Variants in KCNAB2 observed in about 807,000 individuals in gnomAD.
KCNAB2 encodes voltage-gated potassium channel subunit beta-2.
A neutral mutation model predicts 63.6 loss-of-function variants in KCNAB2; 29 were observed. The ratio of observed to expected loss-of-function variants is 0.46; its 90% confidence interval spans 0.34 to 0.62. The LOEUF is 0.62. Among genes scored for constraint, KCNAB2 ranks in the 20% least tolerant of loss-of-function variants. The probability of loss-of-function intolerance (pLI) is 0.01; values close to 1 mark genes in which losing one functional copy is unlikely to be tolerated. For synonymous variants in KCNAB2, 222 were observed against 224.2 expected (o/e 0.99, Z 0.09); for missense variants, 359 against 563.9 (o/e 0.64, Z 3.68).
chr1:6,000,007 T>G (rs1049681669), intron 1 of KCNAB2, among the ~76,000 whole-genome samples: 2 of 150,748 alleles, frequency 1.3e-5, no homozygotes, highest in Non-Finnish European at 3.0e-5. Context: ...GTCTGCACCC[T>G]CTCTGCACCC....
intron 3 of KCNAB2, 152 bp downstream of exon 3, chr1:6,072,950 G>T: frequency 1.6e-6 from 1 of 615,116 alleles, no homozygotes; most frequent in Non-Finnish European, 2.8e-6. Flanking sequence ...ATTCAGGGGG[G>T]CTCGGTTGCC....
At chr1:6,055,446 C>T (rs1308473121) in intron 2 of KCNAB2, among the ~76,000 whole-genome samples, 1 of 151,670 alleles carries the variant, frequency 6.6e-6, no homozygotes, top group Non-Finnish European at 1.5e-5. Context: ...ACCTCTGCCT[C>T]CCAGGTTCAA....
At chr1:6,012,684 G>A (rs1658255221) in intron 1 of KCNAB2, among the ~76,000 whole-genome samples, 1 of 151,288 alleles carries the variant, frequency 6.6e-6, no homozygotes, top group Non-Finnish European at 1.5e-5. Context: ...GGAGATGGAG[G>A]TAGTGGTGGA....
intron 2 of KCNAB2, among the ~76,000 whole-genome samples, chr1:6,063,409 ATT>A (rs34378538): frequency 0.018 from 2,534 of 137,616 alleles, 54 homozygotes; most frequent in African/African-American, 0.058. Flanking sequence ...TGTGCCAGTA[ATT>A]TTTTTTTTTT....
In KCNAB2 at chr1:6,060,564, C is replaced by T. The variant is rs532953952; in HGVS notation, c.218+8810C>T. 3.3e-5 allele frequency among the ~76,000 whole-genome samples: 5 copies of T among 152,234 alleles called. No homozygotes were observed. The South Asian group carries it at 1.0e-3, about 32-fold the overall frequency. On this transcript the variant is annotated intron_variant, in intron 2 of 15. Transcript: ENST00000378083. Reference sequence around the variant, plus strand: ...AAGGCGGTCTCTGCAGGATGCAGACCCTCAGTCTCACTCTCGGAGGAGCTG... The same window carrying T: ...AAGGCGGTCTCTGCAGGATGCAGACTCTCAGTCTCACTCTCGGAGGAGCTG...
At chr1:6,082,426 G>A in intron 5 of KCNAB2, 152 bp downstream of exon 5, 1 of 625,006 alleles carries the variant, frequency 1.6e-6, no homozygotes, top group Non-Finnish European at 2.9e-6. Flanking sequence ...TTTAGGAGGT[G>A]CTATTTTCAT....
At position 6,100,259 on chromosome 1, in the gene KCNAB2, C is replaced by G. The variant is rs960062618; in HGVS notation, c.*1685C>G. Reference sequence around the variant, plus strand: ...ATCAGCTTCTGCTATTACCGACCCCCCTTCATGCTGCCCCTGGCGCCTAGA... The same window carrying G: ...ATCAGCTTCTGCTATTACCGACCCCGCTTCATGCTGCCCCTGGCGCCTAGA... On this transcript the variant is annotated 3_prime_UTR_variant, in exon 16 of 16. Transcript: ENST00000378083. 3.5e-6 allele frequency: 2 copies of G among 572,412 alleles called. No homozygotes were observed. Among genetic ancestry groups the G allele is most frequent in the Non-Finnish European group, 5.6e-6 (2 of 359,668 alleles). 35.5% of individuals were successfully genotyped at this position (572,412 alleles called of 1,614,324 possible). A position where few individuals can be genotyped will look rare whatever the true frequency, so the allele number is the denominator to read the frequency against.
intron 1 of KCNAB2, among the ~76,000 whole-genome samples, chr1:6,046,843 T>G (rs903995209): frequency 6.6e-6 from 1 of 152,238 alleles, no homozygotes; most frequent in Non-Finnish European, 1.5e-5. Context: ...TCAGGTTGTA[T>G]GCTTTGTTGG....
rs1378431907 is a variant in KCNAB2 at position 6,069,837 on chromosome 1, A to G, written c.219-2918A>G. On this transcript the variant is annotated intron_variant, in intron 2 of 15. Transcript: ENST00000378083. This position sits in a 1 kb window ranked among gnomAD's most constrained non-coding sequence, Gnocchi z 5.4. ...ACAAGTTGAGCAGGGTAATTGCGGC[A>G]TCACGTGGTGCCCTAGTTTTGTTAA... Among the ~76,000 whole-genome samples the G allele has an allele frequency of 6.6e-6, 1 of 152,230 alleles. No homozygotes were observed. The highest frequency in any genetic ancestry group is 1.9e-4 in the East Asian group (1 of 5,202).
intron 1 of KCNAB2, among the ~76,000 whole-genome samples, chr1:6,012,731 G>A (rs539960189): frequency 1.3e-5 from 2 of 151,680 alleles, no homozygotes; most frequent in South Asian, 4.2e-4. Flanking sequence ...TCATGGTGGA[G>A]GTGATGGGGG....
chr1:6,013,387 A>AC (rs1316734400), intron 1 of KCNAB2, among the ~76,000 whole-genome samples: 2 of 152,006 alleles, frequency 1.3e-5, no homozygotes, highest in Non-Finnish European at 2.9e-5. Flanking sequence ...TTGAGCAGGA[A>AC]CCCCAAGGAA....
intron 1 of KCNAB2, among the ~76,000 whole-genome samples, chr1:6,050,051 G>A (rs1299464488): frequency 1.3e-5 from 2 of 152,178 alleles, no homozygotes; most frequent in African/African-American, 2.4e-5. Context: ...CTCACCCCAG[G>A]AAAGGCCCAG....
chr1:6,051,768 AG>A lies in KCNAB2; in HGVS notation c.218+20del, dbSNP rs1661417636. 6 of 1,519,776 alleles carry A rather than the reference AG, an allele frequency of 3.9e-6. No individual in the cohort carries two copies. The highest frequency in any genetic ancestry group is 5.3e-6 in the Non-Finnish European group (6 of 1,136,038). 94.1% of individuals were successfully genotyped at this position (1,519,776 alleles called of 1,614,324 possible). Reference sequence around the variant, plus strand: ...CATGAAGTATCGGTAAGGGCCGGGCAGGGGGGCGGTGGGGTGGGAAGTCTGA... The same window carrying A: ...CATGAAGTATCGGTAAGGGCCGGGCAGGGGGCGGTGGGGTGGGAAGTCTGA... On this transcript the variant is annotated intron_variant, in intron 2 of 15. Coordinates refer to ENST00000378083, the MANE Select transcript of KCNAB2 (RefSeq NM_001199862.2).
chr1:6,086,489 C>A lies in KCNAB2; in HGVS notation c.426-978C>A. 1.5e-6 allele frequency: 1 copy of A among 649,312 alleles called. No individual in the cohort carries two copies. Among genetic ancestry groups the A allele is most frequent in the Non-Finnish European group, 1.9e-6 (1 of 522,862 alleles). 40.2% of individuals were successfully genotyped at this position (649,312 alleles called of 1,614,324 possible). The stretch of plus-strand genomic sequence containing the variant: ...GCCGATGCTTCGGGGCAGAGGAGGC[C>A]TCCTACTCCAGCCTCGTGAGCTGCT... On this transcript the variant is annotated intron_variant, in intron 6 of 15. Transcript: ENST00000378083. This position sits in a 1 kb window ranked among gnomAD's most constrained non-coding sequence, Gnocchi z 4.2.
intron 2 of KCNAB2, among the ~76,000 whole-genome samples, chr1:6,058,761 G>A (rs1020668675): frequency 9.2e-5 from 14 of 152,362 alleles, no homozygotes; most frequent in African/African-American, 7.2e-5. Context: ...GGAGGGAGGC[G>A]AGCAGCCAGT....
intron 4 of KCNAB2, among the ~76,000 whole-genome samples, chr1:6,076,483 G>T (rs1273107697): frequency 2.0e-5 from 3 of 152,192 alleles, no homozygotes; most frequent in Non-Finnish European, 2.9e-5. Flanking sequence ...AGACAAGCTG[G>T]ACAATAAAAA....
intron 5 of KCNAB2, 40 bp from the exon 6 acceptor site, chr1:6,085,164 C>T: frequency 1.2e-6 from 2 of 1,611,326 alleles, no homozygotes; most frequent in Non-Finnish European, 1.7e-6. Flanking sequence ...TTTGATTTTT[C>T]TGTTTGGCTG....
chr1:6,030,300 C>CTG (rs1659492096), upstream of KCNAB2, among the ~76,000 whole-genome samples: 1 of 152,128 alleles, frequency 6.6e-6, no homozygotes, highest in Admixed American at 6.5e-5. Context: ...GCATATGTAG[C>CTG]AGGGTGGACT....
At position 6,079,517 on chromosome 1, in the gene KCNAB2, T is replaced by TC. The variant is rs113191610; in HGVS notation, c.301-2675dup. Among the ~76,000 whole-genome samples, 1,109 of 137,626 alleles carry TC rather than the reference T, an allele frequency of 8.1e-3. 14 individuals carry two copies. The highest frequency in any genetic ancestry group is 0.027 in the African/African-American group (1,062 of 38,926). 90.3% of individuals were successfully genotyped at this position (137,626 alleles called of 152,430 possible). ...CTGGGCAACAGAATGAGACTCCATC[T>TC]CCCAAAAAAAAAAAATAACCCCAGT... On this transcript the variant is annotated intron_variant, in intron 4 of 15. Transcript: ENST00000378083.
Sources: allele counts gnomAD v4.1 joint callset (sites outside exome capture counted in the v4.1 genomes callset), GRCh38; gene constraint gnomAD v4.1.1; non-coding constraint Gnocchi (gnomAD v3.1); transcripts MANE v1.5; gene names NCBI Gene and HGNC (gene_info 2026-07-23, HGNC 2026-07-21).